The following BAZ1B variants were observed in gnomAD, a reference collection of about 807,000 sequenced individuals.
BAZ1B encodes tyrosine-protein kinase BAZ1B.
In BAZ1B, 22 loss-of-function variants were observed where a neutral mutation model predicts 153.8. The observed-to-expected ratio is 0.14, with a 90% CI of 0.10 to 0.20. The LOEUF is 0.20. BAZ1B is among the 10% of genes least tolerant of loss of function. The pLI is 1.00. For missense variants in BAZ1B, 1,325 were observed against 1,799.3 expected, an observed-to-expected ratio of 0.74 and a Z score of 4.77; for synonymous variants, 676 against 633.4, an observed-to-expected ratio of 1.07 and a Z score of -1.01.
At chr7:73,469,130 CAAAAAAAAAAA>C (rs57498905) in intron 9 of BAZ1B, among the ~76,000 whole-genome samples, 1 of 76,312 alleles carries the variant, frequency 1.3e-5, no homozygotes, top group African/African-American at 4.5e-5. Context: ...AATTCCGTCT[CAAAAAAAAAAA>C]AAAAAAGAAG....
chr7:73,504,534 G>A (rs1554577521), intron 3 of BAZ1B, among the ~76,000 whole-genome samples: 1 of 152,086 alleles, frequency 6.6e-6, no homozygotes, highest in Non-Finnish European at 1.5e-5. Context: ...CATGGTGGCA[G>A]GTGCCTGTAG....
chr7:73,485,625 GAAA>G (rs71517389), intron 6 of BAZ1B, among the ~76,000 whole-genome samples: 2 of 76,222 alleles, frequency 2.6e-5, no homozygotes, highest in Non-Finnish European at 5.7e-5. Flanking sequence ...GCCTACCTCA[GAAA>G]AAAAAAAAAA....
chr7:73,452,168 G>A (rs1788044920), intron 13 of BAZ1B, among the ~76,000 whole-genome samples: 1 of 152,118 alleles, frequency 6.6e-6, no homozygotes, highest in South Asian at 2.1e-4. Context: ...TTAAAAAACA[G>A]ATTTTAAATA....
rs969467004 is a variant in BAZ1B at position 73,522,091 on chromosome 7, C to A, written c.-158G>T. On this transcript the variant is annotated 5_prime_UTR_variant, in exon 1 of 20. Transcript: ENST00000339594. ...AACTCCGGCTCCCTCACCGCCGGCG[C>A]GGCCGCGCGACAGTCATGGAGCGGA... 2.9e-5 allele frequency: 13 copies of A among 454,032 alleles called. No homozygotes were observed. The highest frequency in any genetic ancestry group is 4.1e-5 in the African/African-American group (2 of 49,360). The allele number at this position is 454,032 out of a possible 1,614,324, so 28.1% of individuals were successfully genotyped here.
At chr7:73,442,136 T>TGCCCCCCCC in intron 19 of BAZ1B, 45 bp downstream of exon 19, 2 of 573,492 alleles carry the variant, frequency 3.5e-6, no homozygotes, top group East Asian at 6.0e-5. Context: ...CTCGCTCGCC[T>TGCCCCCCCC]CCCTCCCACC....
chr7:73,459,425 T>G, intron 13 of BAZ1B, 111 bp downstream of exon 13: 1 of 1,028,614 alleles, frequency 9.7e-7, no homozygotes, highest in African/African-American at 1.6e-5. Flanking sequence ...ACAAAAACAC[T>G]CACTCAGGGC....
chr7:73,499,754 A>AT (rs1433304881), intron 3 of BAZ1B, among the ~76,000 whole-genome samples: 3 of 152,130 alleles, frequency 2.0e-5, no homozygotes, highest in African/African-American at 4.8e-5. Flanking sequence ...AAACTGACTC[A>AT]TTTTTTTCAT....
chr7:73,521,352 T>A (rs1232565694), intron 1 of BAZ1B, among the ~76,000 whole-genome samples: 1 of 152,058 alleles, frequency 6.6e-6, no homozygotes, highest in Non-Finnish European at 1.5e-5. Context: ...TAAGACGCAG[T>A]TGAGTCTTGC....
chr7:73,455,904 C>T (rs1788181720), intron 13 of BAZ1B, among the ~76,000 whole-genome samples: 13 of 152,130 alleles, frequency 8.5e-5, no homozygotes, highest in Admixed American at 8.5e-4. Context: ...CTGTTGTGCA[C>T]AGTATAAGTT....
intron 6 of BAZ1B, among the ~76,000 whole-genome samples, chr7:73,484,442 C>T (rs1325047782): frequency 3.9e-5 from 6 of 152,030 alleles, no homozygotes; most frequent in Admixed American, 3.9e-4. Flanking sequence ...AGTTTGAGAC[C>T]AGTCTAGGTA....
In BAZ1B at chr7:73,466,304, C is replaced by T. The variant is rs147410621; in HGVS notation, c.2964G>A (p.Gln988=). 12 of 1,605,998 alleles carry T rather than the reference C, an allele frequency of 7.5e-6. No individual in the cohort carries two copies. The African/African-American group carries it at 1.6e-4, about 21-fold the overall frequency. Residue 988 remains glutamine, a synonymous_variant, in exon 10 of 20, where the codon CAG becomes CAA. Coordinates refer to ENST00000339594, the MANE Select transcript of BAZ1B (RefSeq NM_032408.4). ...ATGAATGCTCACATTACCATAGGTT[C>T]TGTCCTTGTTTGGGTGTGGTTGTCT... ...AVETTTPKQG[Q]NLWFLCDSQK...
Position 73,442,717 on chromosome 7 carries a change from G to T in BAZ1B, c.4094+8C>A. On this transcript the variant is annotated splice_region_variant and intron_variant, in intron 18 of 19. Transcript: ENST00000339594. ...CCTCTCCCCTGCACCTGAGAACACAGCACTCACCTGAAGGGCCAGCTGAAG... is the reference window on the plus strand; with the variant it reads ...CCTCTCCCCTGCACCTGAGAACACATCACTCACCTGAAGGGCCAGCTGAAG... 6.2e-7 allele frequency: 1 copy of T among 1,613,254 alleles called. No homozygotes were observed. Among genetic ancestry groups the T allele is most frequent in the East Asian group, 2.2e-5 (1 of 44,860 alleles).
At chr7:73,455,027 G>GGTGTGT (rs140946302) in intron 13 of BAZ1B, among the ~76,000 whole-genome samples, 4 of 149,484 alleles carry the variant, frequency 2.7e-5, no homozygotes, top group Non-Finnish European at 6.0e-5. Flanking sequence ...CCACACTCGG[G>GGTGTGT]GTGTGTGTGT....
chr7:73,498,060 A>G (rs1554576602), intron 4 of BAZ1B, among the ~76,000 whole-genome samples: 1 of 151,918 alleles, frequency 6.6e-6, no homozygotes, highest in African/African-American at 2.4e-5. Flanking sequence ...CCTGGGTTCA[A>G]GCGATTCTCC....
Position 73,442,211 on chromosome 7 carries a change from T to A in BAZ1B, c.4437A>T (p.Arg1479=). 1 of 1,594,888 alleles carries A rather than the reference T, an allele frequency of 6.3e-7. No homozygotes were observed. The highest frequency in any genetic ancestry group is 8.6e-7 in the Non-Finnish European group (1 of 1,169,000). Residue 1479 remains arginine, a synonymous_variant, in exon 19 of 20, where the codon CGA becomes CGT. Coordinates refer to ENST00000339594, the MANE Select transcript of BAZ1B (RefSeq NM_032408.4). ...EPEAVGQSRG[R]RQKK ...CCCTGCCTCTCTACTTCTTCTGTCT[T>A]CGTCCCCTGGACTGTCCAACGGCCT...
chr7:73,477,592 T>C lies in BAZ1B; in HGVS notation c.1869A>G (p.Leu623=). 2 of 1,614,186 alleles carry C rather than the reference T, an allele frequency of 1.2e-6. No individual in the cohort carries two copies. The highest frequency in any genetic ancestry group is 1.7e-6 in the Non-Finnish European group (2 of 1,180,034). The change falls in exon 7 of 20, where the codon CTA becomes CTG. Residue 623 remains leucine, a synonymous_variant. Coordinates refer to ENST00000339594, the MANE Select transcript of BAZ1B (RefSeq NM_032408.4). This position sits in a 1 kb window ranked among gnomAD's most constrained non-coding sequence, Gnocchi z 5.6. ...VVEFLSCYSG[L]LLPDAQYPIT... ...TAGGATACTGAGCATCTGGTAAAAG[T>C]AGCCCAGAATAACAGCTCAAGAATT...
Position 73,478,392 on chromosome 7 carries a change from T to C in BAZ1B, c.1069A>G (p.Lys357Glu). 1 of 1,612,480 alleles carries C rather than the reference T, an allele frequency of 6.2e-7. No homozygotes were observed. ...SGSPLKVKNS[K>E]NSKSPEEHLE... ...TGTTCTTCAGGAGATTTGGAATTCTTTGAGTTCTTCACTTTGAGTGGCGAG... is the reference window on the plus strand; with the variant it reads ...TGTTCTTCAGGAGATTTGGAATTCTCTGAGTTCTTCACTTTGAGTGGCGAG... The change falls in exon 7 of 20, where the codon AAG (lysine) becomes GAG (glutamate). Residue 357 changes from lysine to glutamate, a missense_variant. Lys to Glu is a moderately conservative substitution (Grantham distance 56). Around this residue, in one of 9 missense-constraint regions of BAZ1B, gnomAD observed 219 missense variants for 248.2 expected, o/e 0.88. Transcript: ENST00000339594.
At chr7:73,504,351 T>C (rs1363624740) in intron 3 of BAZ1B, among the ~76,000 whole-genome samples, 3 of 152,134 alleles carry the variant, frequency 2.0e-5, no homozygotes, top group Non-Finnish European at 4.4e-5. Context: ...AGACCCTGTT[T>C]CTCTATAAAA....
intron 16 of BAZ1B, 126 bp downstream of exon 16, chr7:73,447,138 A>T: frequency 6.5e-7 from 1 of 1,544,862 alleles, no homozygotes; most frequent in Admixed American, 1.8e-5. Context: ...GTTACGCCAC[A>T]GTCACAACAC....
Sources: gnomAD v4.1 joint callset for allele counts (sites outside exome capture counted in the v4.1 genomes callset) on GRCh38, gnomAD v4.1.1 for gene constraint, gnomAD v4.1.1 regional missense constraint, Gnocchi (gnomAD v3.1) non-coding constraint, MANE v1.5 for transcripts, NCBI Gene and HGNC (gene_info 2026-07-23, HGNC 2026-07-21) for gene names.